The following RASGRF1 variants were observed in gnomAD, a reference collection of about 807,000 sequenced individuals.
RASGRF1 encodes the protein ras-specific guanine nucleotide-releasing factor 1.
A neutral mutation model predicts 138.7 loss-of-function variants in RASGRF1; 40 were observed. The observed-to-expected ratio is 0.29, with a 90% CI of 0.22 to 0.38. The LOEUF is 0.38. Ranked by LOEUF, RASGRF1 falls within the 10% of genes least tolerant of loss-of-function variation. The pLI is 1.00. For missense variants in RASGRF1, 1,108 were observed against 1,650.4 expected (o/e 0.67, Z 5.69); for synonymous variants, 614 against 663.2 (o/e 0.93, Z 1.14).
chr15:79,083,407 G>A (rs1021748273), intron 1 of RASGRF1, among the ~76,000 whole-genome samples: 3 of 152,176 alleles, frequency 2.0e-5, no homozygotes, highest in Admixed American at 6.5e-5. Context: ...GCACGCACAC[G>A]GGCACCGGCT....
chr15:79,069,337 G>T (rs1473261423), intron 1 of RASGRF1, among the ~76,000 whole-genome samples: 1 of 152,160 alleles, frequency 6.6e-6, no homozygotes, highest in East Asian at 1.9e-4. Context: ...AACCTTTGTG[G>T]GCACTTGTGA....
At chr15:79,019,337 C>T (rs770190627) in intron 11 of RASGRF1, among the ~76,000 whole-genome samples, 9 of 152,258 alleles carry the variant, frequency 5.9e-5, no homozygotes, top group Admixed American at 3.3e-4. Context: ...AGTGATCCCA[C>T]CCCCTAATCT....
At chr15:79,063,136 A>C (rs183196483) in intron 2 of RASGRF1, among the ~76,000 whole-genome samples, 5 of 152,216 alleles carry the variant, frequency 3.3e-5, no homozygotes, top group Admixed American at 3.3e-4. Context: ...GCCTCTATAC[A>C]CCAGAGCTAC....
chr15:78,991,644 A>C, intron 21 of RASGRF1, 47 bp downstream of exon 21: 1 of 1,475,764 alleles, frequency 6.8e-7, no homozygotes, highest in African/African-American at 1.4e-5. Flanking sequence ...TGTCCAAGAC[A>C]GTGCCTGAGG....
chr15:78,997,630 GGAGGCT>G (rs1193782822), intron 19 of RASGRF1, among the ~76,000 whole-genome samples: 1 of 151,884 alleles, frequency 6.6e-6, no homozygotes, highest in East Asian at 1.9e-4. Context: ...CAGCTACTGG[GGAGGCT>G]GAGGCAGGAG....
At chr15:79,076,209 G>C (rs557416697) in intron 1 of RASGRF1, among the ~76,000 whole-genome samples, 17 of 151,260 alleles carry the variant, frequency 1.1e-4, no homozygotes, top group African/African-American at 3.6e-4. Flanking sequence ...CTCAATCCAG[G>C]CTACACATTA....
chr15:79,088,210 C>T lies in RASGRF1; in HGVS notation c.276+2013G>A, dbSNP rs113374007. ...ACTCCCTTTCTTTGCCTCTCAGTTT[C>T]TTGGTCTGTAAAATGGGAAGGCTGT... On this transcript the variant is annotated intron_variant, in intron 1 of 26. Coordinates refer to ENST00000558480, the MANE Select transcript of RASGRF1 (RefSeq NM_001145648.3). Among the ~76,000 whole-genome samples, 1,301 of 152,244 alleles carry T rather than the reference C, an allele frequency of 8.5e-3. 27 individuals carry two copies. The highest frequency in any genetic ancestry group is 0.029 in the African/African-American group (1,221 of 41,514).
intron 13 of RASGRF1, among the ~76,000 whole-genome samples, chr15:79,007,633 C>T (rs1276259212): frequency 6.7e-6 from 1 of 148,856 alleles, no homozygotes; most frequent in Non-Finnish European, 1.5e-5. Flanking sequence ...CTCACTGCAG[C>T]CTTGCTCTCC....
Position 79,032,262 on chromosome 15 carries a change from C to A in RASGRF1, c.1013G>T (p.Arg338Leu). 1 of 1,613,980 alleles carries A rather than the reference C, an allele frequency of 6.2e-7. No individual in the cohort carries two copies. Among genetic ancestry groups the A allele is most frequent in the Non-Finnish European group, 8.5e-7 (1 of 1,179,926 alleles). ...GATCTGCAGGCTGTACTGGTGGTTG[C>A]GGACGAACTCTTGGTAGATGTTGAG... is the stretch of plus-strand genomic sequence containing the variant. Reference protein sequence around the residue: ...PMLNIYQEFVRNHQYSLQILA... With the variant: ...PMLNIYQEFVLNHQYSLQILA... The change falls in exon 7 of 27, where the codon CGC (arginine) becomes CTC (leucine). Residue 338 changes from arginine (R) to leucine (L), a missense_variant. Arg to Leu is a moderately radical substitution (Grantham distance 102). This residue lies in a region of RASGRF1 where 169 missense variants were observed against 344.2 expected (regional missense o/e 0.49). Transcript: ENST00000558480. This position sits in a 1 kb window ranked among gnomAD's most constrained non-coding sequence, Gnocchi z 4.5.
At chr15:79,081,730 C>A (rs143412511) in intron 1 of RASGRF1, among the ~76,000 whole-genome samples, 53 of 152,280 alleles carry the variant, frequency 3.5e-4, no homozygotes, top group Middle Eastern at 3.4e-3. Flanking sequence ...GTATGGCAAG[C>A]CCCTCCAGGG....
intron 4 of RASGRF1, 115 bp from the exon 5 acceptor site, chr15:79,047,114 G>C (rs113770076): frequency 1.7e-5 from 22 of 1,307,950 alleles, no homozygotes; most frequent in Middle Eastern, 5.4e-4. Flanking sequence ...TTCCTACGCC[G>C]GGCATGTAGC....
Position 79,027,490 on chromosome 15 carries a change from G to A in RASGRF1, c.1381+251C>T, listed in dbSNP as rs2057076809. 6.6e-6 allele frequency among the ~76,000 whole-genome samples: 1 copy of A among 152,214 alleles called. No individual in the cohort carries two copies. Among genetic ancestry groups the A allele is most frequent in the Non-Finnish European group, 1.5e-5 (1 of 68,036 alleles). Reference sequence around the variant, plus strand: ...CAATAGACAAACCAAGGCCATCTGGGTAGAATTCTGTTTACATCTGGAGAG... The same window carrying A: ...CAATAGACAAACCAAGGCCATCTGGATAGAATTCTGTTTACATCTGGAGAG... On this transcript the variant is annotated intron_variant, in intron 9 of 26. Transcript: ENST00000558480. This position sits in a 1 kb window ranked among gnomAD's most constrained non-coding sequence, Gnocchi z 4.8.
At chr15:78,984,714 G>A in intron 23 of RASGRF1, 1 of 420,604 alleles carries the variant, frequency 2.4e-6, no homozygotes, top group Non-Finnish European at 4.5e-6. Flanking sequence ...CACCACTCTT[G>A]CCCCAACTCC....
At chr15:79,001,348 C>T (rs1476082051) in intron 16 of RASGRF1, among the ~76,000 whole-genome samples, 2 of 152,050 alleles carry the variant, frequency 1.3e-5, no homozygotes, top group East Asian at 3.9e-4. Flanking sequence ...CACGAATGAG[C>T]CCTAGATGCT....
chr15:78,978,448 C>G (rs2055929305), intron 24 of RASGRF1: 1 of 886,944 alleles, frequency 1.1e-6, no homozygotes, highest in African/African-American at 1.8e-5. Context: ...TGGTTTCTAG[C>G]TCCTGACCTC....
In RASGRF1 at chr15:78,961,319, C is replaced by T. The variant is rs1263777099; in HGVS notation, c.*825G>A. 5 of 152,116 alleles carry T rather than the reference C, an allele frequency of 3.3e-5. No homozygotes were observed. The highest frequency in any genetic ancestry group is 1.2e-4 in the African/African-American group (5 of 41,386). The allele number at this position is 152,116 out of a possible 1,614,324, so 9.4% of individuals were successfully genotyped here. The stretch of plus-strand genomic sequence containing the variant: ...CATCTCAATGTAAGCTTGTAGTGAC[C>T]GTTAGGCAGCTTAAAGAGGAAAAGT... On this transcript the variant is annotated 3_prime_UTR_variant, in exon 27 of 27. Coordinates refer to ENST00000558480, the MANE Select transcript of RASGRF1 (RefSeq NM_001145648.3).
At chr15:78,990,760 AG>A (rs1455984987) in intron 21 of RASGRF1, among the ~76,000 whole-genome samples, 1 of 152,210 alleles carries the variant, frequency 6.6e-6, no homozygotes, top group Non-Finnish European at 1.5e-5. Flanking sequence ...TGACAGGGAG[AG>A]GGGACCTCGG....
chr15:78,995,423 G>A (rs547137373), intron 20 of RASGRF1, among the ~76,000 whole-genome samples: 20 of 151,372 alleles, frequency 1.3e-4, no homozygotes, highest in Admixed American at 9.2e-4. Context: ...TGAGAAGCTG[G>A]GGTTACAGGC....
At chr15:79,047,070 G>A in intron 4 of RASGRF1, 71 bp from the exon 5 acceptor site, 2 of 1,560,868 alleles carry the variant, frequency 1.3e-6, no homozygotes, top group Non-Finnish European at 8.7e-7. Flanking sequence ...TCCAGGCTGT[G>A]AGCTCCCCAA....
Sources: allele counts gnomAD v4.1 joint callset (sites outside exome capture counted in the v4.1 genomes callset), GRCh38; gene constraint gnomAD v4.1.1; regional missense constraint gnomAD v4.1.1; non-coding constraint Gnocchi (gnomAD v3.1); transcripts MANE v1.5; gene names NCBI Gene and HGNC (gene_info 2026-07-23, HGNC 2026-07-21).